CARMIL1: variants seen among roughly 807,000 people sequenced by gnomAD.
CARMIL1 encodes the protein capping protein regulator and myosin 1 linker 1, also known as F-actin-uncapping protein LRRC16A.
Under a neutral mutation model 177.1 loss-of-function variants are expected in CARMIL1, and 90 were observed. The observed-to-expected ratio is 0.51, with a 90% confidence interval of 0.43 to 0.61. CARMIL1 has a LOEUF of 0.61. CARMIL1 is among the 20% of genes least tolerant of loss of function. The probability of loss-of-function intolerance (pLI) is 0.00; values close to 1 mark genes in which losing one functional copy is unlikely to be tolerated. For missense variants in CARMIL1, 1,380 were observed against 1,667.0 expected (o/e 0.83, Z 3.00); for synonymous variants, 577 against 606.2 (o/e 0.95, Z 0.71).
chr6:25,616,389 A>G (rs551876566), intron 36 of CARMIL1, among the ~76,000 whole-genome samples: 13 of 152,236 alleles, frequency 8.5e-5, no homozygotes, highest in African/African-American at 2.9e-4. Flanking sequence ...GCAACAAATG[A>G]GACTCTGTCT....
At chr6:25,494,662 T>A (rs1375623908) in intron 15 of CARMIL1, among the ~76,000 whole-genome samples, 3 of 152,258 alleles carry the variant, frequency 2.0e-5, no homozygotes, top group African/African-American at 4.8e-5. Flanking sequence ...TGTGCTGTTT[T>A]AGCTCAACAT....
chr6:25,393,798 A>G (rs970691252), intron 2 of CARMIL1, among the ~76,000 whole-genome samples: 3 of 151,690 alleles, frequency 2.0e-5, no homozygotes, highest in African/African-American at 7.3e-5. Flanking sequence ...TGGAGGCTGC[A>G]GTGAGCTCTG....
At chr6:25,589,978 C>T (rs534518732) in intron 31 of CARMIL1, among the ~76,000 whole-genome samples, 49 of 152,252 alleles carry the variant, frequency 3.2e-4, no homozygotes, top group African/African-American at 9.6e-4. Flanking sequence ...CTAAACTACC[C>T]GGAAGTCCTA....
intron 32 of CARMIL1, among the ~76,000 whole-genome samples, chr6:25,599,797 G>T (rs1217137747): frequency 6.6e-6 from 1 of 152,180 alleles, no homozygotes. Context: ...GGTGTGGGGT[G>T]CAGGTCTGTT....
intron 36 of CARMIL1, among the ~76,000 whole-genome samples, chr6:25,619,022 C>G (rs961833296): frequency 6.6e-6 from 1 of 152,176 alleles, no homozygotes; most frequent in African/African-American, 2.4e-5. Flanking sequence ...ATTTGTCCAC[C>G]CAGCATCTCC....
In CARMIL1 at chr6:25,488,513, C is replaced by G. The variant is rs777345627; in HGVS notation, c.993C>G (p.Ala331=). The change falls in exon 13 of 37, where the codon GCC becomes GCG. Residue 331 remains alanine, a synonymous_variant. Coordinates refer to ENST00000329474, the MANE Select transcript of CARMIL1 (RefSeq NM_017640.6). The stretch of plus-strand genomic sequence containing the variant: ...ACAGCCTTTCTCAGTCACTCAGTGC[C>G]AATCCATTGACCGCCTCTACCCTTG... ...GVNSLSQSLS[A]NPLTASTLVH... 6.2e-7 allele frequency: 1 copy of G among 1,613,974 alleles called. No individual in the cohort carries two copies. Among genetic ancestry groups the G allele is most frequent in the South Asian group, 1.1e-5 (1 of 91,080 alleles).
chr6:25,508,843 TAC>T (rs1295297810), intron 17 of CARMIL1, among the ~76,000 whole-genome samples: 1 of 152,160 alleles, frequency 6.6e-6, no homozygotes, highest in East Asian at 1.9e-4. Context: ...CACAATGCCT[TAC>T]ACAGAGTAGG....
intron 2 of CARMIL1, among the ~76,000 whole-genome samples, chr6:25,382,397 C>T (rs191345811): frequency 6.6e-5 from 10 of 152,240 alleles, no homozygotes; most frequent in South Asian, 4.1e-4. Flanking sequence ...AATGAAGCCG[C>T]GGACCTTTGC....
chr6:25,468,384 A>G (rs1440513986), intron 9 of CARMIL1, among the ~76,000 whole-genome samples: 1 of 152,132 alleles, frequency 6.6e-6, no homozygotes, highest in East Asian at 1.9e-4. Context: ...GATAATGTAT[A>G]CGGTTTCTTT....
chr6:25,358,096 A>G (rs111937252), intron 2 of CARMIL1, among the ~76,000 whole-genome samples: 467 of 152,332 alleles, frequency 3.1e-3, no homozygotes, highest in African/African-American at 0.01. Context: ...AAAAATTAAT[A>G]TTGGTTAAGA....
Position 25,319,191 on chromosome 6 carries a change from T to C in CARMIL1, c.138+34282T>C, listed in dbSNP as rs191730962. Reference sequence around the variant, plus strand: ...TGTCGAGTAAATTAATTAGACGAATTGTGAATTATTCTGATTTATTCAGAG... The same window carrying C: ...TGTCGAGTAAATTAATTAGACGAATCGTGAATTATTCTGATTTATTCAGAG... On this transcript the variant is annotated intron_variant, in intron 2 of 36. Transcript: ENST00000329474. Among the ~76,000 whole-genome samples, 3 of 152,308 alleles carry C rather than the reference T, an allele frequency of 2.0e-5. No homozygotes were observed. The East Asian group carries it at 5.8e-4, about 29-fold the overall frequency.
chr6:25,360,191 C>T (rs1021557912), intron 2 of CARMIL1, among the ~76,000 whole-genome samples: 1 of 152,148 alleles, frequency 6.6e-6, no homozygotes, highest in African/African-American at 2.4e-5. Context: ...ATTAATAGAA[C>T]ATTGGATTAG....
intron 2 of CARMIL1, among the ~76,000 whole-genome samples, chr6:25,324,946 G>A (rs1784953589): frequency 6.6e-6 from 1 of 151,958 alleles, no homozygotes; most frequent in Non-Finnish European, 1.5e-5. Context: ...GGATAGGGAG[G>A]TGGGGCTGAG....
At chr6:25,477,960 A>G (rs1801730769) in intron 11 of CARMIL1, among the ~76,000 whole-genome samples, 1 of 143,936 alleles carries the variant, frequency 6.9e-6, no homozygotes, top group African/African-American at 2.6e-5. Context: ...GGCTCAAGCC[A>G]TCCTCCCCAC....
chr6:25,544,858 C>G (rs1030522872), intron 26 of CARMIL1, among the ~76,000 whole-genome samples: 1 of 152,130 alleles, frequency 6.6e-6, no homozygotes, highest in African/African-American at 2.4e-5. Flanking sequence ...TTAGTTAAAG[C>G]AATCCAAGGT....
At chr6:25,530,401 A>G (rs565187130) in intron 24 of CARMIL1, among the ~76,000 whole-genome samples, 2 of 152,120 alleles carry the variant, frequency 1.3e-5, no homozygotes, top group East Asian at 3.9e-4. Context: ...TGTAATCCCA[A>G]CTACTTGGAA....
chr6:25,488,937 C>A (rs1285068621), intron 13 of CARMIL1, among the ~76,000 whole-genome samples: 2 of 152,082 alleles, frequency 1.3e-5, no homozygotes, highest in African/African-American at 4.8e-5. Context: ...GAGGCTGAGG[C>A]AGGCAGATCA....
chr6:25,550,235 A>G (rs1809948269), intron 26 of CARMIL1, among the ~76,000 whole-genome samples: 1 of 152,176 alleles, frequency 6.6e-6, no homozygotes, highest in Non-Finnish European at 1.5e-5. Flanking sequence ...GTGCAGAAAC[A>G]TTTTTCAAAC....
At chr6:25,521,638 G>A (rs1442767176) in intron 23 of CARMIL1, among the ~76,000 whole-genome samples, 6 of 151,988 alleles carry the variant, frequency 3.9e-5, no homozygotes, top group African/African-American at 1.2e-4. Flanking sequence ...ACTAGGTGGC[G>A]GGCGCCTGTA....
Sources: allele counts gnomAD v4.1 joint callset (sites outside exome capture counted in the v4.1 genomes callset), GRCh38; gene constraint gnomAD v4.1.1; transcripts MANE v1.5; gene names NCBI Gene and HGNC (gene_info 2026-07-23, HGNC 2026-07-21).